B3GLCT: variants seen among roughly 807,000 people sequenced by gnomAD.
The protein encoded by B3GLCT is beta 3-glucosyltransferase.
B3GLCT carries 65 observed loss-of-function variants against 63.4 expected under a neutral mutation model. The observed-to-expected ratio is 1.03, with a 90% CI of 0.84 to 1.26. The LOEUF (loss-of-function observed/expected upper bound fraction) is 1.26, where lower values mean the gene tolerates loss of function less well. Among genes scored for constraint, B3GLCT ranks in the 50% most tolerant of loss-of-function variants. The pLI, the probability that B3GLCT is intolerant of heterozygous loss-of-function variation, is 0.00. For synonymous variants in B3GLCT, 233 were observed against 219.2 expected (o/e 1.06, Z -0.55); for missense variants, 577 against 604.8 (o/e 0.95, Z 0.48).
At chr13:31,214,955 G>A in intron 1 of B3GLCT, 96 bp from the exon 2 acceptor site, 1 of 1,204,794 alleles carries the variant, frequency 8.3e-7, no homozygotes, top group Non-Finnish European at 1.2e-6. Flanking sequence ...TCTTGTTAAA[G>A]TATCTTTTTT....
chr13:31,241,755 G>A (rs1293794959), intron 4 of B3GLCT, among the ~76,000 whole-genome samples: 1 of 152,184 alleles, frequency 6.6e-6, no homozygotes, highest in East Asian at 1.9e-4. Context: ...GCAGCTTGAG[G>A]ACTGTCACTG....
intron 3 of B3GLCT, among the ~76,000 whole-genome samples, chr13:31,228,883 A>T (rs950961879): frequency 2.0e-5 from 3 of 152,340 alleles, no homozygotes; most frequent in African/African-American, 7.2e-5. Context: ...AGTGTTCTAG[A>T]TATTTTCACA....
At chr13:31,247,701 A>G (rs1593271285) in intron 5 of B3GLCT, among the ~76,000 whole-genome samples, 154 bp from the exon 6 acceptor site, 1 of 152,248 alleles carries the variant, frequency 6.6e-6, no homozygotes, top group Non-Finnish European at 1.5e-5. Flanking sequence ...AACCATTAGC[A>G]TCTGGCTTTT....
chr13:31,287,002 G>A (rs1249908964), intron 12 of B3GLCT, among the ~76,000 whole-genome samples, 183 bp downstream of exon 12: 3 of 152,124 alleles, frequency 2.0e-5, no homozygotes, highest in East Asian at 1.9e-4. Flanking sequence ...CTGAATATTA[G>A]GTGCAAAGGA....
intron 12 of B3GLCT, chr13:31,312,686 T>G (rs1396156245): frequency 6.6e-6 from 1 of 152,210 alleles, no homozygotes; most frequent in Non-Finnish European, 1.5e-5. Context: ...CGCAGGGAGC[T>G]GAGAAAGATC....
intron 8 of B3GLCT, 55 bp downstream of exon 8, chr13:31,269,332 T>A: frequency 7.5e-7 from 1 of 1,333,014 alleles, no homozygotes; most frequent in Admixed American, 1.7e-5. Flanking sequence ...TCATGTCCTT[T>A]GATGTAAAAG....
At position 31,200,094 on chromosome 13, in the gene B3GLCT, C is replaced by T. The variant is rs753491546; in HGVS notation, c.10C>T (p.Pro4Ser). Residue 4 changes from proline to serine, a missense_variant, in exon 1 of 15, where the codon CCC (proline) becomes TCC (serine). Coordinates refer to ENST00000343307, the MANE Select transcript of B3GLCT (RefSeq NM_194318.4). MRP[P>S]ACWWLLAPPA... ...AGCCTCCGCCGCCAGGATGCGGCCG[C>T]CCGCCTGCTGGTGGCTGCTCGCGCC... The T allele has an allele frequency of 2.2e-6, 3 of 1,374,666 alleles. No individual in the cohort carries two copies. Among genetic ancestry groups the T allele is most frequent in the African/African-American group, 1.5e-5 (1 of 65,964 alleles). 85.2% of individuals were successfully genotyped at this position (1,374,666 alleles called of 1,614,324 possible).
intron 4 of B3GLCT, among the ~76,000 whole-genome samples, chr13:31,232,194 C>T (rs1047082808): frequency 3.3e-5 from 5 of 152,214 alleles, no homozygotes; most frequent in African/African-American, 1.2e-4. Flanking sequence ...TAACTTCAAA[C>T]TAGTATATGG....
chr13:31,312,930 C>T (rs372241659), intron 12 of B3GLCT: 51 of 152,226 alleles, frequency 3.4e-4, no homozygotes, highest in African/African-American at 1.1e-3. Flanking sequence ...CTTTGTGTGC[C>T]GAAAACAGGA....
intron 6 of B3GLCT, among the ~76,000 whole-genome samples, chr13:31,254,633 T>C (rs993787797): frequency 8.5e-5 from 13 of 152,194 alleles, no homozygotes; most frequent in African/African-American, 3.1e-4. Context: ...ACCACTCTTA[T>C]TCAACATGGT....
intron 3 of B3GLCT, among the ~76,000 whole-genome samples, chr13:31,224,559 CAGT>C (rs1873932827): frequency 6.6e-6 from 1 of 152,098 alleles, no homozygotes; most frequent in African/African-American, 2.4e-5. Flanking sequence ...GCAGTGACAA[CAGT>C]AGATTCAGGG....
chr13:31,286,879 A>G, intron 12 of B3GLCT, 60 bp downstream of exon 12: 7 of 1,179,614 alleles, frequency 5.9e-6, no homozygotes, highest in Non-Finnish European at 8.7e-6. Flanking sequence ...TATTCAAAAA[A>G]CTAGATGGGT....
At chr13:31,325,573 T>G (rs1182343327) in intron 14 of B3GLCT, among the ~76,000 whole-genome samples, 1 of 152,182 alleles carries the variant, frequency 6.6e-6, no homozygotes, top group South Asian at 2.1e-4. Flanking sequence ...AAAATAAGGT[T>G]GTTGTTTCCC....
intron 12 of B3GLCT, among the ~76,000 whole-genome samples, chr13:31,308,583 G>C (rs1874533260): frequency 6.6e-6 from 1 of 152,044 alleles, no homozygotes; most frequent in African/African-American, 2.4e-5. Context: ...GTTCAGCATT[G>C]AGTTGTGGGT....
intron 14 of B3GLCT, among the ~76,000 whole-genome samples, chr13:31,326,745 A>G (rs147779740): frequency 1.3e-5 from 2 of 152,256 alleles, no homozygotes; most frequent in African/African-American, 4.8e-5. Context: ...GGCTGCATAG[A>G]GTTCTTGGTA....
intron 6 of B3GLCT, among the ~76,000 whole-genome samples, chr13:31,253,777 T>A (rs1270382710): frequency 2.0e-5 from 3 of 151,754 alleles, no homozygotes; most frequent in Non-Finnish European, 2.9e-5. Context: ...ACAAAATTGA[T>A]AGACTGCTAG....
chr13:31,274,438 A>G lies in B3GLCT; in HGVS notation c.661-71A>G, dbSNP rs991922701. The G allele has an allele frequency of 9.8e-5, 156 of 1,594,206 alleles. 1 individual carries two copies. Among genetic ancestry groups the G allele is most frequent in the Non-Finnish European group, 1.3e-4 (147 of 1,162,680 alleles). ...AAGATGTGTTCTGCTTTCCCTTGAGATATTTTGTCCCTTCTTATACTTGTG... is the reference window on the plus strand; with the variant it reads ...AAGATGTGTTCTGCTTTCCCTTGAGGTATTTTGTCCCTTCTTATACTTGTG... On this transcript the variant is annotated intron_variant, in intron 8 of 14. Coordinates refer to ENST00000343307, the MANE Select transcript of B3GLCT (RefSeq NM_194318.4).
chr13:31,322,373 T>TC (rs1248165948), intron 13 of B3GLCT, among the ~76,000 whole-genome samples: 1 of 152,270 alleles, frequency 6.6e-6, no homozygotes, highest in East Asian at 1.9e-4. Context: ...AGTCCCAGAC[T>TC]CCCATTTCAG....
At chr13:31,242,193 C>T (rs1339303018) in intron 4 of B3GLCT, among the ~76,000 whole-genome samples, 1 of 152,154 alleles carries the variant, frequency 6.6e-6, no homozygotes, top group Non-Finnish European at 1.5e-5. Flanking sequence ...TCCTGACTTG[C>T]AGGTGGGGCC....
Sources: gnomAD v4.1 joint callset for allele counts (sites outside exome capture counted in the v4.1 genomes callset) on GRCh38, gnomAD v4.1.1 for gene constraint, MANE v1.5 for transcripts, NCBI Gene and HGNC (gene_info 2026-07-23, HGNC 2026-07-21) for gene names.